Variants in LMO7 observed in about 807,000 individuals in gnomAD.
LMO7 encodes the protein LIM domain only protein 7.
Under a neutral mutation model 206.5 loss-of-function variants are expected in LMO7, and 120 were observed. The ratio of observed to expected loss-of-function variants is 0.58; its 90% CI spans 0.50 to 0.68. LMO7 has a LOEUF of 0.68. Ranked by LOEUF, LMO7 falls within the 30% of genes least tolerant of loss-of-function variation. LMO7 has a pLI of 0.00. For missense variants in LMO7, 1,959 were observed against 1,957.9 expected (o/e 1.00, Z -0.01); for synonymous variants, 706 against 681.5 (o/e 1.04, Z -0.56).
intron 7 of LMO7, 63 bp downstream of exon 7, chr13:75,800,945 G>A (rs775660823): frequency 6.6e-7 from 1 of 1,518,758 alleles, no homozygotes; most frequent in Non-Finnish European, 9.1e-7. Flanking sequence ...GGGAACAGGA[G>A]AGAATAGAAA....
chr13:75,810,816 G>A (rs78829881), intron 11 of LMO7, among the ~76,000 whole-genome samples: 262 of 152,324 alleles, frequency 1.7e-3, no homozygotes, highest in African/African-American at 6.2e-3. Flanking sequence ...GTAGTGAGGG[G>A]TAAATTATAT....
intron 15 of LMO7, among the ~76,000 whole-genome samples, chr13:75,828,282 T>C (rs1246750098): frequency 6.6e-6 from 1 of 152,214 alleles, no homozygotes; most frequent in East Asian, 1.9e-4. Flanking sequence ...ATTATCCCCG[T>C]TTTTACCAAT....
At chr13:75,804,620 C>T in intron 8 of LMO7, 79 bp downstream of exon 8, 1 of 1,464,036 alleles carries the variant, frequency 6.8e-7, no homozygotes, top group South Asian at 1.3e-5. Context: ...AAAAGAATGG[C>T]TCTTAAATGT....
intron 4 of LMO7, chr13:75,788,874 G>C (rs957068726): frequency 2.0e-5 from 3 of 152,458 alleles, no homozygotes; most frequent in African/African-American, 7.2e-5. Context: ...AAGAATCCAT[G>C]CATTGCTCTG....
At chr13:75,795,293 G>A (rs1483023255) in intron 4 of LMO7, 108 bp from the exon 5 acceptor site, 2 of 719,218 alleles carry the variant, frequency 2.8e-6, no homozygotes, top group African/African-American at 3.7e-5. Flanking sequence ...ACTTCCATGT[G>A]ATATTAATAT....
At position 75,695,393 on chromosome 13, in the gene LMO7, G is replaced by A. The variant is rs144025038; in HGVS notation, c.70-17789G>A. 4.7e-3 allele frequency among the ~76,000 whole-genome samples: 712 copies of A among 152,256 alleles called. 5 individuals are homozygous for A. The highest frequency in any genetic ancestry group is 6.9e-3 in the Non-Finnish European group (470 of 68,006). ...TATTTTTATTTTGAGACGGAGTCTC[G>A]CTCTGTCGCCCAGGCTGGAGTGCAC... On this transcript the variant is annotated intron_variant, in intron 1 of 30. Coordinates refer to ENST00000377534, the MANE Select transcript of LMO7 (RefSeq NM_001306080.2).
At chr13:75,813,929 G>T (rs1432444803) in intron 11 of LMO7, among the ~76,000 whole-genome samples, 11 of 152,066 alleles carry the variant, frequency 7.2e-5, no homozygotes, top group African/African-American at 2.4e-4. Flanking sequence ...CCTCATACCT[G>T]GTTCTTGAAA....
intron 2 of LMO7, among the ~76,000 whole-genome samples, chr13:75,726,320 C>G (rs906407521): frequency 8.6e-5 from 13 of 151,966 alleles, no homozygotes; most frequent in Non-Finnish European, 1.9e-4. Context: ...TTTCAGTTGT[C>G]AAAGCTGAGT....
intron 4 of LMO7, among the ~76,000 whole-genome samples, chr13:75,775,442 C>CA (rs2050247966): frequency 6.6e-6 from 1 of 151,656 alleles, no homozygotes; most frequent in African/African-American, 2.4e-5. Context: ...CTCAACAAAA[C>CA]AAAAAATAGA....
chr13:75,745,954 T>C (rs2046803044), intron 3 of LMO7, among the ~76,000 whole-genome samples: 4 of 152,192 alleles, frequency 2.6e-5, no homozygotes, highest in African/African-American at 9.7e-5. Context: ...CTGTGATTCC[T>C]TATAATAAAT....
intron 3 of LMO7, among the ~76,000 whole-genome samples, chr13:75,748,810 TCTTTC>T (rs1566384317): frequency 3.0e-5 from 4 of 134,986 alleles, no homozygotes; most frequent in Non-Finnish European, 6.9e-5. Flanking sequence ...TTTCTTTCTT[TCTTTC>T]TTTTTTTTTT....
intron 1 of LMO7, among the ~76,000 whole-genome samples, chr13:75,703,739 T>TGTGTGTGCGC (rs57290262): frequency 2.6e-4 from 40 of 151,790 alleles, no homozygotes; most frequent in African/African-American, 8.2e-4. Flanking sequence ...TGTGTGTGTG[T>TGTGTGTGCGC]GCACTGTGAG....
At chr13:75,829,943 A>G (rs2058501280) in intron 15 of LMO7, among the ~76,000 whole-genome samples, 1 of 152,188 alleles carries the variant, frequency 6.6e-6, no homozygotes, top group African/African-American at 2.4e-5. Context: ...AGATGATGAT[A>G]GACAACTGCC....
chr13:75,776,110 T>TACAC (rs201224165), intron 4 of LMO7, among the ~76,000 whole-genome samples: 7 of 99,238 alleles, frequency 7.1e-5, no homozygotes, highest in Admixed American at 1.1e-4. Context: ...TATATATATA[T>TACAC]ATACATACAT....
At chr13:75,662,125 A>G (rs1057160751) in intron 1 of LMO7, among the ~76,000 whole-genome samples, 2 of 152,174 alleles carry the variant, frequency 1.3e-5, no homozygotes, top group Admixed American at 6.5e-5. Context: ...TTTTCTGACA[A>G]TAGAGCTTCT....
At chr13:75,799,318 A>G (rs757787544) in intron 6 of LMO7, among the ~76,000 whole-genome samples, 3 of 152,216 alleles carry the variant, frequency 2.0e-5, no homozygotes, top group Non-Finnish European at 4.4e-5. Flanking sequence ...GAAGAGTACA[A>G]CAAATACCCA....
intron 2 of LMO7, among the ~76,000 whole-genome samples, chr13:75,718,440 C>G (rs143592320): frequency 6.6e-6 from 1 of 152,174 alleles, no homozygotes; most frequent in East Asian, 1.9e-4. Context: ...CAGGTCCCTC[C>G]GTTAGATTCC....
chr13:75,710,748 G>A (rs2043036547), intron 1 of LMO7, among the ~76,000 whole-genome samples: 2 of 152,064 alleles, frequency 1.3e-5, no homozygotes, highest in South Asian at 4.2e-4. Context: ...CTGCAAACAG[G>A]GACAATTTGA....
At chr13:75,801,938 A>G (rs2054791819) in intron 7 of LMO7, among the ~76,000 whole-genome samples, 1 of 148,914 alleles carries the variant, frequency 6.7e-6, no homozygotes. Context: ...TGCATGCTTT[A>G]TCTTATACTC....
Sources: allele counts gnomAD v4.1 joint callset (sites outside exome capture counted in the v4.1 genomes callset), GRCh38; gene constraint gnomAD v4.1.1; transcripts MANE v1.5; gene names NCBI Gene and HGNC (gene_info 2026-07-23, HGNC 2026-07-21).